ZFAT: variants seen among roughly 807,000 people sequenced by gnomAD.
ZFAT encodes zinc finger protein ZFAT.
ZFAT carries 64 observed loss-of-function variants against 117.7 expected under a neutral mutation model. The ratio of observed to expected loss-of-function variants is 0.54; its 90% CI spans 0.44 to 0.67. The LOEUF (loss-of-function observed/expected upper bound fraction) is 0.67. Among genes scored for constraint, ZFAT ranks in the 30% least tolerant of loss-of-function variants. The pLI is 0.00. For missense variants in ZFAT, 1,433 were observed against 1,584.5 expected, an observed-to-expected ratio of 0.90 and a Z score of 1.62; for synonymous variants, 679 against 615.0, an observed-to-expected ratio of 1.10 and a Z score of -1.54.
At chr8:134,805,115 G>A in the ZFAT span, among the ~76,000 whole-genome samples, 2 of 152,166 alleles carry the variant, frequency 1.3e-5, no homozygotes, top group South Asian at 4.1e-4. Flanking sequence ...TTCACCAAGT[G>A]CAATTTCTCC....
intron 1 of ZFAT, among the ~76,000 whole-genome samples, chr8:134,658,287 A>C (rs972607889): frequency 1.3e-5 from 2 of 148,354 alleles, no homozygotes; most frequent in African/African-American, 5.0e-5. Flanking sequence ...CAGTGAGCCG[A>C]GATCACGCCA....
chr8:134,671,720 T>G (rs1042087235), intron 1 of ZFAT, among the ~76,000 whole-genome samples: 1 of 152,218 alleles, frequency 6.6e-6, no homozygotes, highest in Non-Finnish European at 1.5e-5. Flanking sequence ...CTCTCACCAC[T>G]GCTATTCAAC....
the ZFAT span, among the ~76,000 whole-genome samples, chr8:134,725,810 G>C: frequency 6.6e-6 from 1 of 151,992 alleles, no homozygotes; most frequent in Non-Finnish European, 1.5e-5. Context: ...CATATAAACA[G>C]GAAAAGCTCT....
chr8:134,797,328 T>C, the ZFAT span: 4 of 152,134 alleles, frequency 2.6e-5, no homozygotes, highest in African/African-American at 9.7e-5. Flanking sequence ...AGTAACTGTA[T>C]ACCTTTTAAG....
At chr8:134,493,892 C>T (rs1041436254) in intron 15 of ZFAT, among the ~76,000 whole-genome samples, 5 of 152,186 alleles carry the variant, frequency 3.3e-5, no homozygotes, top group Non-Finnish European at 5.9e-5. Flanking sequence ...AAATGTGGAC[C>T]CCAGGAGATA....
intron 15 of ZFAT, among the ~76,000 whole-genome samples, chr8:134,504,458 C>A (rs564001641): frequency 2.0e-5 from 3 of 152,112 alleles, no homozygotes; most frequent in African/African-American, 7.2e-5. Flanking sequence ...AGAAAGGGCA[C>A]GGTGCAGTAG....
chr8:134,816,618 T>G, the ZFAT span, among the ~76,000 whole-genome samples: 1 of 152,188 alleles, frequency 6.6e-6, no homozygotes, highest in Non-Finnish European at 1.5e-5. Context: ...ATGAGTTTAA[T>G]AATGAAAAGA....
chr8:134,748,892 A>T, the ZFAT span, among the ~76,000 whole-genome samples: 4 of 151,270 alleles, frequency 2.6e-5, no homozygotes, highest in African/African-American at 9.7e-5. Context: ...GTCTTTGCCT[A>T]TTTTTTTTCC....
In ZFAT at chr8:134,608,795, G is replaced by T; in HGVS notation, c.719C>A (p.Pro240His). 1 of 1,611,094 alleles carries T rather than the reference G, an allele frequency of 6.2e-7. No homozygotes were observed. Among genetic ancestry groups the T allele is most frequent in the Non-Finnish European group, 8.5e-7 (1 of 1,178,956 alleles). ...NSETTSADLV[P>H]RRGYQEYAIQ... Reference sequence around the variant, plus strand: ...GGCGTATTCCTGGTAGCCTCTCCGAGGCACCAGGTCTGCTGAAGTGGTCTC... The same window carrying T: ...GGCGTATTCCTGGTAGCCTCTCCGATGCACCAGGTCTGCTGAAGTGGTCTC... Residue 240 changes from proline to histidine, a missense_variant, in exon 5 of 16, where the codon CCT becomes CAT. Transcript: ENST00000377838.
At position 134,712,785 on chromosome 8, in the gene ZFAT, C is replaced by A. The variant is rs1239979886; in HGVS notation, c.19+60G>T. On this transcript the variant is annotated intron_variant, in intron 1 of 15. Transcript: ENST00000377838. ...CGACTCGACGCTCGAAACGGCTTTC[C>A]GCGCGCCGCGCCGCGCCCCACCCCC... The A allele has an allele frequency of 3.6e-6, 5 of 1,399,622 alleles. No individual in the cohort carries two copies. The African/African-American group carries it at 6.0e-5, about 17-fold the overall frequency. The allele number at this position is 1,399,622 out of a possible 1,614,324, so 86.7% of individuals were successfully genotyped here. A position where few individuals can be genotyped will look rare whatever the true frequency, so the allele number is the denominator to read the frequency against.
chr8:134,560,931 T>C (rs1362462552), intron 11 of ZFAT, among the ~76,000 whole-genome samples: 2 of 152,260 alleles, frequency 1.3e-5, no homozygotes, highest in Non-Finnish European at 2.9e-5. Context: ...TCTAAGTATC[T>C]TCTCTGGCAC....
At chr8:134,574,868 A>T (rs1309587021) in intron 10 of ZFAT, among the ~76,000 whole-genome samples, 1 of 152,198 alleles carries the variant, frequency 6.6e-6, no homozygotes, top group African/African-American at 2.4e-5. Flanking sequence ...GTAAATTTTC[A>T]AGAGTTTTTA....
At chr8:134,784,535 A>T in the ZFAT span, 18 of 152,166 alleles carry the variant, frequency 1.2e-4, no homozygotes, top group African/African-American at 4.3e-4. Context: ...GAACATAAAA[A>T]TTTTGTATAG....
chr8:134,490,547 C>G (rs1180701721), intron 15 of ZFAT, among the ~76,000 whole-genome samples: 1 of 152,232 alleles, frequency 6.6e-6, no homozygotes, highest in African/African-American at 2.4e-5. Context: ...GGAGCTGTCA[C>G]ATGAGGGGCC....
intron 13 of ZFAT, among the ~76,000 whole-genome samples, chr8:134,516,759 G>A (rs989109149): frequency 6.6e-6 from 1 of 151,990 alleles, no homozygotes; most frequent in African/African-American, 2.4e-5. Flanking sequence ...TGTCTCCTGA[G>A]GTAAGAGAAT....
chr8:134,590,543 AAC>A (rs1226326826), intron 7 of ZFAT, among the ~76,000 whole-genome samples, 188 bp from the exon 8 acceptor site: 2 of 145,664 alleles, frequency 1.4e-5, no homozygotes, highest in South Asian at 2.2e-4. Context: ...TAGCACTATC[AAC>A]AGTCATCACC....
At chr8:134,795,914 T>C in the ZFAT span, 1 of 152,228 alleles carries the variant, frequency 6.6e-6, no homozygotes, top group South Asian at 2.1e-4. Flanking sequence ...GCTTCTTTAA[T>C]TCAGCATGTC....
At chr8:134,636,216 CA>C (rs1263175061) in intron 3 of ZFAT, among the ~76,000 whole-genome samples, 2 of 152,326 alleles carry the variant, frequency 1.3e-5, no homozygotes, top group Admixed American at 6.5e-5. Flanking sequence ...AATTTAAGAA[CA>C]GGGGTCAGAG....
At chr8:134,645,512 C>T (rs975148047) in intron 2 of ZFAT, among the ~76,000 whole-genome samples, 3 of 151,926 alleles carry the variant, frequency 2.0e-5, no homozygotes, top group African/African-American at 7.3e-5. Context: ...AGAAAACATA[C>T]GGAAGAAGAA....
Sources: allele counts gnomAD v4.1 joint callset (sites outside exome capture counted in the v4.1 genomes callset), GRCh38; gene constraint gnomAD v4.1.1; transcripts MANE v1.5; gene names NCBI Gene and HGNC (gene_info 2026-07-23, HGNC 2026-07-21).